SLIT3: variants seen among roughly 807,000 people sequenced by gnomAD.
SLIT3 encodes the protein slit homolog 3 protein.
In SLIT3, 68 loss-of-function variants were observed where a neutral mutation model predicts 184.0. That is an observed-to-expected ratio of 0.37 (90% CI 0.30 to 0.45). The LOEUF (loss-of-function observed/expected upper bound fraction) is 0.45, where lower values mean the gene tolerates loss of function less well. SLIT3 is among the 20% of genes least tolerant of loss of function. The pLI is 1.00. For missense variants in SLIT3, 1,707 were observed against 2,026.0 expected (o/e 0.84, Z 3.02); for synonymous variants, 831 against 828.6 (o/e 1.00, Z -0.05).
chr5:168,994,510 T>G (rs1755442319), intron 4 of SLIT3, among the ~76,000 whole-genome samples: 2 of 151,366 alleles, frequency 1.3e-5, no homozygotes, highest in South Asian at 2.1e-4. Flanking sequence ...CACACCCACA[T>G]AAATCCCATC....
At chr5:168,908,058 T>A (rs1056226087) in intron 4 of SLIT3, among the ~76,000 whole-genome samples, 1 of 146,470 alleles carries the variant, frequency 6.8e-6, no homozygotes, top group African/African-American at 2.6e-5. Flanking sequence ...ACAAACTGGG[T>A]GGCTGTACAC....
chr5:168,718,096 G>T (rs558085701), intron 23 of SLIT3: 6 of 151,968 alleles, frequency 3.9e-5, no homozygotes, highest in Non-Finnish European at 8.8e-5. Context: ...CTGGACCATG[G>T]TTGGGAGGTC....
At chr5:169,033,876 A>G (rs1284291390) in intron 4 of SLIT3, among the ~76,000 whole-genome samples, 1 of 148,212 alleles carries the variant, frequency 6.7e-6, no homozygotes, top group East Asian at 2.0e-4. Flanking sequence ...GCAGTGGCAC[A>G]ATCTCGGCTC....
chr5:168,870,028 A>G (rs79738696), intron 5 of SLIT3, among the ~76,000 whole-genome samples: 2 of 152,250 alleles, frequency 1.3e-5, no homozygotes, highest in East Asian at 3.9e-4. Context: ...GGCAGGCGCT[A>G]TGCATATGGA....
At chr5:168,927,020 T>C (rs1761849330) in intron 4 of SLIT3, among the ~76,000 whole-genome samples, 2 of 152,224 alleles carry the variant, frequency 1.3e-5, no homozygotes, top group African/African-American at 4.8e-5. Flanking sequence ...GTTCCACCTT[T>C]ATGTATATAC....
intron 1 of SLIT3, among the ~76,000 whole-genome samples, chr5:169,265,156 AAAACAAAC>A (rs35338338): frequency 6.6e-6 from 1 of 150,916 alleles, no homozygotes. Flanking sequence ...TCCATGCTCA[AAAACAAAC>A]AAACAAACAA....
chr5:169,089,480 A>G (rs932556188), intron 4 of SLIT3, among the ~76,000 whole-genome samples: 1 of 152,184 alleles, frequency 6.6e-6, no homozygotes, highest in Non-Finnish European at 1.5e-5. Flanking sequence ...TTAGGTAGCT[A>G]TTAGCCTAGA....
chr5:169,189,549 T>C (rs928719819), intron 4 of SLIT3, among the ~76,000 whole-genome samples: 1 of 84,002 alleles, frequency 1.2e-5, no homozygotes, highest in Non-Finnish European at 2.3e-5. Context: ...TATATATATA[T>C]ATATATATAT....
intron 4 of SLIT3, among the ~76,000 whole-genome samples, chr5:169,124,062 A>T (rs137881816): frequency 3.3e-5 from 5 of 152,274 alleles, no homozygotes; most frequent in African/African-American, 1.2e-4. Context: ...TCCACTTAAC[A>T]GTCCTGATTT....
intron 4 of SLIT3, among the ~76,000 whole-genome samples, chr5:169,006,414 C>T (rs1238808794): frequency 5.9e-5 from 9 of 152,128 alleles, no homozygotes. Flanking sequence ...CCTGTGGAGC[C>T]ATGAGGAATC....
At chr5:168,996,340 A>G (rs796164560) in intron 4 of SLIT3, among the ~76,000 whole-genome samples, 5 of 152,140 alleles carry the variant, frequency 3.3e-5, no homozygotes, top group African/African-American at 1.2e-4. Context: ...ATCCTTTCCC[A>G]TTTCACACCA....
chr5:168,886,787 T>C (rs1374049834), intron 4 of SLIT3, among the ~76,000 whole-genome samples: 1 of 152,074 alleles, frequency 6.6e-6, no homozygotes. Context: ...TTTTAAATAA[T>C]TAGGGCTCTG....
chr5:169,193,376 A>G, intron 4 of SLIT3, 103 bp downstream of exon 4: 2 of 930,360 alleles, frequency 2.1e-6, no homozygotes, highest in Non-Finnish European at 3.6e-6. Context: ...GTCAGGGCCT[A>G]ACTGCCAAGC....
intron 4 of SLIT3, among the ~76,000 whole-genome samples, chr5:169,069,095 T>C (rs1005683516): frequency 4.6e-5 from 7 of 152,206 alleles, no homozygotes; most frequent in African/African-American, 1.4e-4. Flanking sequence ...ATGTGCTTTA[T>C]GCAAATTATC....
intron 3 of SLIT3, among the ~76,000 whole-genome samples, chr5:169,206,860 T>G (rs1442645155): frequency 6.6e-6 from 1 of 152,206 alleles, no homozygotes; most frequent in Non-Finnish European, 1.5e-5. Flanking sequence ...AATTTTTATT[T>G]TCTCATAGCA....
Position 168,772,406 on chromosome 5 carries a change from G to A in SLIT3, c.1459+375C>T, listed in dbSNP as rs182863809. ...CTGAGCTATATGTATTTCTCTACTT[G>A]CCCTTTGGGGAGCACACTTTGGAAA... On this transcript the variant is annotated intron_variant, in intron 14 of 35. Coordinates refer to ENST00000519560, the MANE Select transcript of SLIT3 (RefSeq NM_003062.4). The A allele has an allele frequency of 8.6e-4, 214 of 248,506 alleles. 2 individuals carry two copies. The highest frequency in any genetic ancestry group is 1.1e-3 in the Non-Finnish European group (139 of 128,362). The allele number at this position is 248,506 out of a possible 1,614,324, so 15.4% of individuals were successfully genotyped here. A position where few individuals can be genotyped will look rare whatever the true frequency, so the allele number is the denominator to read the frequency against.
intron 4 of SLIT3, among the ~76,000 whole-genome samples, chr5:168,962,760 C>T (rs190186781): frequency 1.0e-4 from 12 of 118,896 alleles, no homozygotes; most frequent in South Asian, 2.3e-4. Context: ...GAAAGGTGGG[C>T]GCAGTGGCTG....
At chr5:169,027,110 A>G (rs535699306) in intron 4 of SLIT3, among the ~76,000 whole-genome samples, 30 of 152,200 alleles carry the variant, frequency 2.0e-4, no homozygotes, top group Non-Finnish European at 4.3e-4. Context: ...CCCATCCCAG[A>G]TTGGTATAAT....
chr5:169,259,511 C>T (rs1326245571), intron 1 of SLIT3, among the ~76,000 whole-genome samples: 2 of 152,184 alleles, frequency 1.3e-5, no homozygotes, highest in Admixed American at 1.3e-4. Flanking sequence ...AGGGAGCACA[C>T]CATTGCTCAG....
Sources: allele counts gnomAD v4.1 joint callset (sites outside exome capture counted in the v4.1 genomes callset), GRCh38; gene constraint gnomAD v4.1.1; transcripts MANE v1.5; gene names NCBI Gene and HGNC (gene_info 2026-07-23, HGNC 2026-07-21).